Variants in ITGA9 observed in about 807,000 individuals in gnomAD.
ITGA9 encodes integrin alpha-9.
In ITGA9, 56 loss-of-function variants were observed where a neutral mutation model predicts 127.8. The ratio of observed to expected loss-of-function variants is 0.44; its 90% CI spans 0.35 to 0.55. The LOEUF (loss-of-function observed/expected upper bound fraction) is 0.55. Ranked by LOEUF, ITGA9 falls within the 20% of genes least tolerant of loss-of-function variation. The pLI is 0.00. For missense variants in ITGA9, 1,196 were observed against 1,347.1 expected (o/e 0.89, Z 1.76); for synonymous variants, 508 against 514.5 (o/e 0.99, Z 0.17).
intron 15 of ITGA9, among the ~76,000 whole-genome samples, chr3:37,594,011 G>A (rs1477047276): frequency 1.3e-5 from 2 of 152,228 alleles, no homozygotes; most frequent in South Asian, 2.1e-4. Context: ...GCCAGCTGAG[G>A]GTGACACCTT....
chr3:37,678,951 T>C (rs1700708498), intron 17 of ITGA9, among the ~76,000 whole-genome samples: 1 of 152,194 alleles, frequency 6.6e-6, no homozygotes, highest in Admixed American at 6.5e-5. Flanking sequence ...AGTGAATGAA[T>C]TGGTGCTAAA....
At chr3:37,589,317 A>T (rs759817073) in intron 15 of ITGA9, among the ~76,000 whole-genome samples, 14 of 152,182 alleles carry the variant, frequency 9.2e-5, no homozygotes, top group Non-Finnish European at 5.9e-5. Flanking sequence ...TCAAATATTC[A>T]TAGAGCACCT....
chr3:37,777,572 C>A, intron 24 of ITGA9, 55 bp downstream of exon 24: 1 of 1,582,598 alleles, frequency 6.3e-7, no homozygotes, highest in Admixed American at 1.7e-5. Context: ...TCGGAAGACA[C>A]CAGTTTTCTA....
intron 1 of ITGA9, among the ~76,000 whole-genome samples, chr3:37,470,670 C>T (rs1579046038): frequency 6.6e-6 from 1 of 152,070 alleles, no homozygotes; most frequent in South Asian, 2.1e-4. Flanking sequence ...GCTGCCTTGC[C>T]TGGCCATTTT....
intron 22 of ITGA9, chr3:37,748,710 T>C: frequency 1.8e-6 from 1 of 549,638 alleles, no homozygotes; most frequent in Admixed American, 3.1e-5. Context: ...GTTGGCCCAC[T>C]GCACTCCAGC....
At chr3:37,718,280 G>A (rs1701155265) in intron 18 of ITGA9, among the ~76,000 whole-genome samples, 1 of 152,210 alleles carries the variant, frequency 6.6e-6, no homozygotes, top group Non-Finnish European at 1.5e-5. Context: ...TGAACGAGTA[G>A]ATGGGCTTCC....
chr3:37,779,107 T>G (rs1026223557), intron 24 of ITGA9, among the ~76,000 whole-genome samples: 5 of 152,098 alleles, frequency 3.3e-5, no homozygotes, highest in African/African-American at 9.7e-5. Flanking sequence ...TGGTTTTTTG[T>G]TTGTTTGTTT....
At chr3:37,615,718 T>C (rs1700067755) in intron 15 of ITGA9, among the ~76,000 whole-genome samples, 1 of 152,242 alleles carries the variant, frequency 6.6e-6, no homozygotes, top group African/African-American at 2.4e-5. Flanking sequence ...TCGAGGAATG[T>C]ATCCATTTCT....
At chr3:37,657,080 G>A (rs1700486253) in intron 17 of ITGA9, among the ~76,000 whole-genome samples, 1 of 152,112 alleles carries the variant, frequency 6.6e-6, no homozygotes, top group South Asian at 2.1e-4. Context: ...ATGTGCGGCT[G>A]GATTCAGTTT....
Position 37,642,693 on chromosome 3 carries a change from C to T in ITGA9, c.1840-11021C>T, listed in dbSNP as rs186063397. Among the ~76,000 whole-genome samples, 92 of 152,298 alleles carry T rather than the reference C, an allele frequency of 6.0e-4. 1 individual carries two copies. The highest frequency in any genetic ancestry group is 2.0e-3 in the African/African-American group (83 of 41,566). On this transcript the variant is annotated intron_variant, in intron 16 of 27. Coordinates refer to ENST00000264741, the MANE Select transcript of ITGA9 (RefSeq NM_002207.3). Reference sequence around the variant, plus strand: ...ATACAGCTGGTGAAAGAAAAGGTGTCGGCTTTGTTGAGAAGTCTTACTTTG... The same window carrying T: ...ATACAGCTGGTGAAAGAAAAGGTGTTGGCTTTGTTGAGAAGTCTTACTTTG...
At chr3:37,478,115 A>G (rs889456891) in intron 3 of ITGA9, among the ~76,000 whole-genome samples, 24 of 152,130 alleles carry the variant, frequency 1.6e-4, no homozygotes, top group Admixed American at 8.5e-4. Flanking sequence ...CCCCTTCCCA[A>G]TGCCCCTCCT....
chr3:37,625,779 G>A (rs1469739078), intron 15 of ITGA9, among the ~76,000 whole-genome samples: 1 of 152,128 alleles, frequency 6.6e-6, no homozygotes, highest in East Asian at 1.9e-4. Context: ...TTCCTTTGCA[G>A]CTCAGATAAA....
At chr3:37,577,917 C>T (rs927948803) in intron 15 of ITGA9, among the ~76,000 whole-genome samples, 13 of 152,182 alleles carry the variant, frequency 8.5e-5, no homozygotes, top group Non-Finnish European at 1.5e-4. Flanking sequence ...AGTATTATCT[C>T]ATGCTGTCAT....
intron 15 of ITGA9, among the ~76,000 whole-genome samples, chr3:37,544,623 GCTCAGGGCT>G (rs1699307871): frequency 6.6e-6 from 1 of 152,194 alleles, no homozygotes; most frequent in African/African-American, 2.4e-5. Context: ...TGGAGGCTGA[GCTCAGGGCT>G]CTCGAGTGCA....
intron 15 of ITGA9, among the ~76,000 whole-genome samples, chr3:37,545,165 T>A (rs576056738): frequency 3.3e-5 from 5 of 152,184 alleles, no homozygotes; most frequent in African/African-American, 1.2e-4. Context: ...AAGAGCAGGA[T>A]GCAGTCTCTA....
At chr3:37,612,428 A>G (rs926790050) in intron 15 of ITGA9, among the ~76,000 whole-genome samples, 8 of 152,236 alleles carry the variant, frequency 5.3e-5, no homozygotes, top group Non-Finnish European at 2.9e-5. Context: ...ACTGTTAAGC[A>G]TAAACAATAT....
intron 18 of ITGA9, among the ~76,000 whole-genome samples, chr3:37,696,502 C>T (rs1163139089): frequency 6.6e-6 from 1 of 152,232 alleles, no homozygotes; most frequent in East Asian, 1.9e-4. Context: ...GGTGCCACAG[C>T]TCCATACTAG....
chr3:37,643,691 G>A (rs905319977), intron 16 of ITGA9, among the ~76,000 whole-genome samples: 1 of 152,170 alleles, frequency 6.6e-6, no homozygotes, highest in African/African-American at 2.4e-5. Context: ...GACAGTGTCT[G>A]GCTGGGGAGG....
intron 17 of ITGA9, among the ~76,000 whole-genome samples, chr3:37,659,506 C>T (rs1001949724): frequency 9.2e-5 from 14 of 151,892 alleles, no homozygotes; most frequent in African/African-American, 2.7e-4. Context: ...ATGAAGTTCT[C>T]GTGCTGTGTT....
Sources: gnomAD v4.1 joint callset for allele counts (sites outside exome capture counted in the v4.1 genomes callset) on GRCh38, gnomAD v4.1.1 for gene constraint, MANE v1.5 for transcripts, NCBI Gene and HGNC (gene_info 2026-07-23, HGNC 2026-07-21) for gene names.